PRTN3: variants seen among roughly 807,000 people sequenced by gnomAD.
PRTN3 encodes proteinase 3.
In PRTN3, 22 loss-of-function variants were observed where a neutral mutation model predicts 20.7. The observed-to-expected ratio is 1.06, with a 90% CI of 0.76 to 1.52. PRTN3 has a LOEUF of 1.52. Among genes scored for constraint, PRTN3 ranks in the 40% most tolerant of loss-of-function variants. PRTN3 has a pLI of 0.00. For synonymous variants in PRTN3, 173 were observed against 152.9 expected (o/e 1.13, Z -0.97); for missense variants, 378 against 359.6 (o/e 1.05, Z -0.41).
intron 3 of PRTN3, among the ~76,000 whole-genome samples, chr19:845,536 A>G (rs1488350834): frequency 6.6e-6 from 1 of 151,586 alleles, no homozygotes; most frequent in Non-Finnish European, 1.5e-5. Context: ...TCGATATGGC[A>G]AACCCCGTGT....
chr19:842,437 T>TTTTTTTTG (rs2035457915), intron 1 of PRTN3, among the ~76,000 whole-genome samples: 1 of 123,710 alleles, frequency 8.1e-6, no homozygotes, highest in Non-Finnish European at 1.6e-5. Context: ...TTTTTTTTTT[T>TTTTTTTTG]GAGACAGAAT....
Position 847,885 on chromosome 19 carries a change from C to T in PRTN3, c.687C>T (p.Phe229=), listed in dbSNP as rs751682463. ...TCTGGGGATGTGCCACCCGCCTTTT[C>T]CCTGACTTCTTCACGCGGGTAGCCC... The part of the protein sequence containing the change: ...FVIWGCATRL[F]PDFFTRVALY... Residue 229 remains phenylalanine, a synonymous_variant, in exon 5 of 5, where the codon TTC becomes TTT. Transcript: ENST00000234347. 8 of 1,608,588 alleles carry T rather than the reference C, an allele frequency of 5.0e-6. No homozygotes were observed. The highest frequency in any genetic ancestry group is 5.1e-6 in the Non-Finnish European group (6 of 1,177,426).
intron 1 of PRTN3, among the ~76,000 whole-genome samples, chr19:841,785 T>C (rs2035444652): frequency 7.3e-6 from 1 of 136,430 alleles, no homozygotes; most frequent in Non-Finnish European, 1.6e-5. Context: ...TGGAGTGCAG[T>C]GGCGCGATCT....
At chr19:842,303 T>G (rs1295946537) in intron 1 of PRTN3, among the ~76,000 whole-genome samples, 1 of 146,824 alleles carries the variant, frequency 6.8e-6, no homozygotes, top group Non-Finnish European at 1.5e-5. Flanking sequence ...GCAAAATGGG[T>G]CTCTTTGTTG....
At position 846,247 on chromosome 19, in the gene PRTN3, G is replaced by T; in HGVS notation, c.470G>T (p.Trp157Leu). The change falls in exon 4 of 5, where the codon TGG becomes TTG. Residue 157 changes from tryptophan (W) to leucine (L), a missense_variant. Transcript: ENST00000234347. Reference protein sequence around the residue: ...PHGTQCLAMGWGRVGAHDPPA... With the variant: ...PHGTQCLAMGLGRVGAHDPPA... ...GGCACCCAGTGCCTGGCCATGGGCT[G>T]GGGCCGCGTGGGTGCCCACGACCCC... 6.4e-7 allele frequency: 1 copy of T among 1,560,896 alleles called. No homozygotes were observed. Among genetic ancestry groups the T allele is most frequent in the Middle Eastern group, 1.7e-4 (1 of 5,980 alleles).
intron 1 of PRTN3, 95 bp downstream of exon 1, chr19:841,164 C>T (rs1251894738): frequency 1.4e-6 from 2 of 1,477,244 alleles, no homozygotes; most frequent in African/African-American, 2.8e-5. Context: ...CCTTCTGGCA[C>T]AGCTGGGGAA....
intron 4 of PRTN3, among the ~76,000 whole-genome samples, chr19:847,184 T>G (rs1354135429): frequency 6.6e-6 from 1 of 152,140 alleles, no homozygotes; most frequent in Non-Finnish European, 1.5e-5. Flanking sequence ...TGTGAGCCTG[T>G]AGGCCCAGCT....
chr19:842,489 G>A (rs1406687354), intron 1 of PRTN3, among the ~76,000 whole-genome samples: 7 of 124,796 alleles, frequency 5.6e-5, no homozygotes, highest in Non-Finnish European at 8.1e-5. Context: ...GTGTGATCTC[G>A]GCTCACTGCA....
In PRTN3 at chr19:844,091, C is replaced by T. The variant is rs1487670810; in HGVS notation, c.369+57C>T. The T allele has an allele frequency of 1.4e-5, 22 of 1,531,090 alleles. 1 individual carries two copies. Among genetic ancestry groups the T allele is most frequent in the Middle Eastern group, 1.9e-4 (1 of 5,402 alleles). The allele number at this position is 1,531,090 out of a possible 1,614,324, so 94.8% of individuals were successfully genotyped here. A position where few individuals can be genotyped will look rare whatever the true frequency, so the allele number is the denominator to read the frequency against. ...GGCACGGCCAGAGGGCTCCGGGACC[C>T]CCATTCCTGCAGCCAGCATTCATTG... On this transcript the variant is annotated intron_variant, in intron 3 of 4. Transcript: ENST00000234347.
intron 2 of PRTN3, 48 bp from the exon 3 acceptor site, chr19:843,845 G>A: frequency 1.3e-6 from 2 of 1,536,470 alleles, no homozygotes; most frequent in Admixed American, 2.1e-5. Flanking sequence ...GGCTGTGGGC[G>A]GCGGCGAGTG....
rs140029872 is a variant in PRTN3, at chr19:841,454, G to C, written c.61+385G>C. The stretch of plus-strand genomic sequence containing the variant: ...TGAGTGAGTGAATGAGTGAACAAAT[G>C]AATGAGTGAATGAATCAATGAGTGA... On this transcript the variant is annotated intron_variant, in intron 1 of 4. Coordinates refer to ENST00000234347, the MANE Select transcript of PRTN3 (RefSeq NM_002777.4). Among the ~76,000 whole-genome samples, 19 of 152,168 alleles carry C rather than the reference G, an allele frequency of 1.2e-4. No homozygotes were observed. In the East Asian group the frequency reaches 3.5e-3, roughly 28 times the overall value.
intron 1 of PRTN3, among the ~76,000 whole-genome samples, chr19:841,520 ATGAG>A (rs889372537): frequency 7.0e-6 from 1 of 142,536 alleles, no homozygotes; most frequent in African/African-American, 2.7e-5. Flanking sequence ...GAACGAATGA[ATGAG>A]TGAATGAATC....
rs1282652147 is a variant in PRTN3, at chr19:843,489, C to A, written c.90C>A (p.Gly30=). Residue 30 remains glycine (G), a synonymous_variant, in exon 2 of 5, where the codon GGC becomes GGA. Coordinates refer to ENST00000234347, the MANE Select transcript of PRTN3 (RefSeq NM_002777.4). ...CTGCCCGAGCTGCGGAGATCGTGGG[C>A]GGGCACGAGGCGCAGCCACACTCCC... ...SGAARAAEIV[G]GHEAQPHSRP... The A allele has an allele frequency of 6.3e-7, 1 of 1,579,628 alleles. No individual in the cohort carries two copies. Among genetic ancestry groups the A allele is most frequent in the Non-Finnish European group, 8.6e-7 (1 of 1,166,918 alleles).
At chr19:841,485 T>G (rs1475662792) in intron 1 of PRTN3, among the ~76,000 whole-genome samples, 1 of 148,092 alleles carries the variant, frequency 6.8e-6, no homozygotes, top group Non-Finnish European at 1.5e-5. Context: ...AGTGAGTGAA[T>G]GAATGAGTGA....
At chr19:844,101 C>T (rs2035482893) in intron 3 of PRTN3, 67 bp downstream of exon 3, 2 of 1,515,430 alleles carry the variant, frequency 1.3e-6, no homozygotes, top group African/African-American at 1.4e-5. Context: ...CCCATTCCTG[C>T]AGCCAGCATT....
At chr19:847,747 C>T (rs1305442027) in intron 4 of PRTN3, 52 bp from the exon 5 acceptor site, 2 of 1,554,030 alleles carry the variant, frequency 1.3e-6, no homozygotes, top group African/African-American at 2.7e-5. Flanking sequence ...CCCCATCCTC[C>T]AGGGAGACTC....
At position 843,500 on chromosome 19, in the gene PRTN3, C is replaced by A. The variant is rs1484943317; in HGVS notation, c.101C>A (p.Ala34Glu). The A allele has an allele frequency of 1.3e-6, 2 of 1,584,102 alleles. No individual in the cohort carries two copies. Among genetic ancestry groups the A allele is most frequent in the Admixed American group, 1.8e-5 (1 of 56,856 alleles). ...RAAEIVGGHE[A>E]QPHSRPYMAS... ...GCGGAGATCGTGGGCGGGCACGAGG[C>A]GCAGCCACACTCCCGGCCCTACATG... Residue 34 changes from alanine (A) to glutamate (E), a missense_variant, in exon 2 of 5, where the codon GCG becomes GAG. Transcript: ENST00000234347.
intron 4 of PRTN3, 134 bp from the exon 5 acceptor site, chr19:847,665 G>A: frequency 9.1e-7 from 1 of 1,094,960 alleles, no homozygotes; most frequent in Non-Finnish European, 1.3e-6. Context: ...GGCTGCCTGG[G>A]GCCAGCCCGG....
intron 2 of PRTN3, 118 bp downstream of exon 2, chr19:843,744 G>T: frequency 6.9e-7 from 1 of 1,451,492 alleles, no homozygotes; most frequent in Non-Finnish European, 9.1e-7. Context: ...CAGACCCCAG[G>T]CCCCGCGCGC....
Sources: allele counts gnomAD v4.1 joint callset (sites outside exome capture counted in the v4.1 genomes callset), GRCh38; gene constraint gnomAD v4.1.1; transcripts MANE v1.5; gene names NCBI Gene and HGNC (gene_info 2026-07-23, HGNC 2026-07-21).